Variants in ACTL8 observed in about 807,000 individuals in gnomAD.
ACTL8 encodes the protein actin like 8.
Under a neutral mutation model 9.3 loss-of-function variants are expected in ACTL8, and 3 were observed. The ratio of observed to expected loss-of-function variants is 0.32; its 90% CI spans 0.15 to 0.83. The LOEUF (loss-of-function observed/expected upper bound fraction) is 0.83. Among genes scored for constraint, ACTL8 ranks in the 40% least tolerant of loss-of-function variants. ACTL8 has a pLI of 0.57. For synonymous variants in ACTL8, 224 were observed against 205.9 expected (o/e 1.09, Z -0.75); for missense variants, 381 against 492.2 (o/e 0.77, Z 2.14).
At chr1:17,756,345 G>T (rs1361590769) in intron 1 of ACTL8, among the ~76,000 whole-genome samples, 1 of 151,714 alleles carries the variant, frequency 6.6e-6, no homozygotes, top group Non-Finnish European at 1.5e-5. Context: ...GCCTTGAGGG[G>T]TTCTTCCTTG....
intron 1 of ACTL8, among the ~76,000 whole-genome samples, chr1:17,800,914 G>A (rs1161781576): frequency 6.6e-6 from 1 of 152,076 alleles, no homozygotes; most frequent in East Asian, 1.9e-4. Flanking sequence ...AATCTTAAGA[G>A]AAATAAGGTG....
chr1:17,823,244 A>G lies in ACTL8; in HGVS notation c.236A>G (p.Gln79Arg). The part of the protein sequence containing the change: ...RGRILNWEGV[Q>R]YLWSFVLENH... ...CGCATCCTCAACTGGGAGGGTGTGC[A>G]GTACCTCTGGTCATTTGTGTTGGAG... The change falls in exon 2 of 3, where the codon CAG (glutamine) becomes CGG (arginine). Residue 79 changes from glutamine to arginine, a missense_variant. Physicochemically the swap from Gln to Arg is conservative, Grantham distance 43 (BLOSUM62 1). This residue lies in a region of ACTL8 where 125 missense variants were observed against 180.7 expected (regional missense o/e 0.69). Transcript: ENST00000375406. The surrounding 1 kb of genome is among the most constrained non-coding windows in gnomAD (Gnocchi z 5.3). 4 of 1,614,174 alleles carry G rather than the reference A, an allele frequency of 2.5e-6. No homozygotes were observed. Among genetic ancestry groups the G allele is most frequent in the African/African-American group, 1.3e-5 (1 of 75,040 alleles).
At chr1:17,757,085 G>T (rs1448674139) in intron 1 of ACTL8, among the ~76,000 whole-genome samples, 1 of 152,136 alleles carries the variant, frequency 6.6e-6, no homozygotes, top group Non-Finnish European at 1.5e-5. Flanking sequence ...AGCTATGATT[G>T]CACCGCTGCA....
At chr1:17,778,646 T>G (rs887931129) in intron 1 of ACTL8, among the ~76,000 whole-genome samples, 2 of 152,176 alleles carry the variant, frequency 1.3e-5, no homozygotes, top group African/African-American at 4.8e-5. Flanking sequence ...CTGTGTGGCT[T>G]TAGGGAAGTT....
chr1:17,760,973 G>A (rs1411584642), intron 1 of ACTL8, among the ~76,000 whole-genome samples: 3 of 152,044 alleles, frequency 2.0e-5, no homozygotes, highest in South Asian at 2.1e-4. Context: ...CGGCAGTGAC[G>A]TTTAAATAAG....
At chr1:17,757,565 C>A (rs952926284) in intron 1 of ACTL8, among the ~76,000 whole-genome samples, 1 of 139,078 alleles carries the variant, frequency 7.2e-6, no homozygotes. Context: ...GTTAAGAAAC[C>A]CTGTGATAAT....
chr1:17,796,729 C>T (rs1557439002), intron 1 of ACTL8, among the ~76,000 whole-genome samples: 3 of 152,344 alleles, frequency 2.0e-5, no homozygotes, highest in South Asian at 4.1e-4. Flanking sequence ...AAAAGCCAGC[C>T]GTGTGCTTCT....
At chr1:17,813,744 A>C (rs924290798) in intron 1 of ACTL8, among the ~76,000 whole-genome samples, 5 of 152,302 alleles carry the variant, frequency 3.3e-5, no homozygotes, top group Non-Finnish European at 4.4e-5. Context: ...AACCGTTTAG[A>C]CCTAGAGTAT....
chr1:17,800,770 T>G (rs1250945346), intron 1 of ACTL8, among the ~76,000 whole-genome samples: 1 of 151,838 alleles, frequency 6.6e-6, no homozygotes, highest in African/African-American at 2.4e-5. Context: ...AATTTTTGTA[T>G]TTTTAGTAGA....
rs574276965 is a variant in ACTL8, at chr1:17,825,759, C to T, written c.349-8C>T. ...GAAATGCACTGAGTGAATTCTCCCT[C>T]GTTGCAGATCCTGTTTGAGTTGCTG... is the stretch of plus-strand genomic sequence containing the variant. On this transcript the variant is annotated splice_polypyrimidine_tract_variant and splice_region_variant and intron_variant, in intron 2 of 2. Transcript: ENST00000375406. 3.7e-5 allele frequency: 60 copies of T among 1,607,524 alleles called. No individual in the cohort carries two copies. In the South Asian group the frequency reaches 5.2e-4, roughly 14 times the overall value.
chr1:17,775,656 T>A (rs1440682955), intron 1 of ACTL8, among the ~76,000 whole-genome samples: 6 of 152,214 alleles, frequency 3.9e-5, no homozygotes, highest in Non-Finnish European at 5.9e-5. Flanking sequence ...TCAGTCCTCA[T>A]CCTGATCTCA....
intron 1 of ACTL8, among the ~76,000 whole-genome samples, chr1:17,778,756 T>C (rs1442064939): frequency 6.6e-6 from 1 of 152,128 alleles, no homozygotes; most frequent in Non-Finnish European, 1.5e-5. Context: ...ATGGGCTGTC[T>C]TGGGCACAAT....
At chr1:17,784,314 G>A (rs149848891) in intron 1 of ACTL8, among the ~76,000 whole-genome samples, 65 of 152,210 alleles carry the variant, frequency 4.3e-4, no homozygotes, top group Admixed American at 8.5e-4. Context: ...GGGGAAGTCC[G>A]CCCCCATGAT....
intron 1 of ACTL8, among the ~76,000 whole-genome samples, chr1:17,813,067 TAGAC>T (rs2066403914): frequency 6.6e-6 from 1 of 152,138 alleles, no homozygotes; most frequent in Non-Finnish European, 1.5e-5. Flanking sequence ...ATTTTCTACT[TAGAC>T]AATTATGTCT....
Position 17,826,179 on chromosome 1 carries a change from T to G in ACTL8, c.761T>G (p.Val254Gly), listed in dbSNP as rs1570053048. Residue 254 changes from valine to glycine, a missense_variant, in exon 3 of 3, where the codon GTG becomes GGG. Physicochemically the swap from Val to Gly is moderately radical, Grantham distance 109 (BLOSUM62 -3). Around this residue, in one of 3 missense-constraint regions of ACTL8, gnomAD observed 243 missense variants for 276.2 expected, o/e 0.88. Transcript: ENST00000375406. This position sits in a 1 kb window ranked among gnomAD's most constrained non-coding sequence, Gnocchi z 4.5. ...SRVELTPMQR[V>G]APEMFFSPQV... ...GTGGAGCTGACCCCCATGCAGCGGGTGGCTCCTGAGATGTTCTTTAGCCCG... is the reference window on the plus strand; with the variant it reads ...GTGGAGCTGACCCCCATGCAGCGGGGGGCTCCTGAGATGTTCTTTAGCCCG... The G allele has an allele frequency of 6.2e-7, 1 of 1,613,154 alleles. No homozygotes were observed. The highest frequency in any genetic ancestry group is 8.5e-7 in the Non-Finnish European group (1 of 1,179,828).
intron 1 of ACTL8, among the ~76,000 whole-genome samples, chr1:17,821,906 G>A (rs1415705259): frequency 1.3e-5 from 2 of 152,136 alleles, no homozygotes; most frequent in Non-Finnish European, 2.9e-5. Flanking sequence ...GATTACATGC[G>A]TGAACCACCG....
At chr1:17,757,880 T>C (rs1375461701) in intron 1 of ACTL8, among the ~76,000 whole-genome samples, 1 of 152,170 alleles carries the variant, frequency 6.6e-6, no homozygotes, top group Admixed American at 6.5e-5. Flanking sequence ...GCTTGGTTGG[T>C]TGACTGAAAC....
chr1:17,807,098 T>G (rs762531624), intron 1 of ACTL8, among the ~76,000 whole-genome samples: 2 of 152,234 alleles, frequency 1.3e-5, no homozygotes, highest in Non-Finnish European at 2.9e-5. Context: ...ACTCTGGCCA[T>G]ACTCTTCCAC....
intron 1 of ACTL8, among the ~76,000 whole-genome samples, chr1:17,813,628 C>T (rs1270380449): frequency 1.3e-5 from 2 of 151,966 alleles, no homozygotes; most frequent in African/African-American, 4.8e-5. Flanking sequence ...TAATACTGGC[C>T]CCACAAACTG....
Sources: gnomAD v4.1 joint callset for allele counts (sites outside exome capture counted in the v4.1 genomes callset) on GRCh38, gnomAD v4.1.1 for gene constraint, gnomAD v4.1.1 regional missense constraint, Gnocchi (gnomAD v3.1) non-coding constraint, MANE v1.5 for transcripts, NCBI Gene and HGNC (gene_info 2026-07-23, HGNC 2026-07-21) for gene names.